PDCD11: variants seen among roughly 807,000 people sequenced by gnomAD.
The protein encoded by PDCD11 is programmed cell death 11.
Under a neutral mutation model 198.9 loss-of-function variants are expected in PDCD11, and 97 were observed. The ratio of observed to expected loss-of-function variants is 0.49; its 90% CI spans 0.41 to 0.58. PDCD11 has a LOEUF of 0.58. Ranked by LOEUF, PDCD11 falls within the 20% of genes least tolerant of loss-of-function variation. PDCD11 has a pLI of 0.00. For missense variants in PDCD11, 2,102 were observed against 2,312.7 expected (o/e 0.91, Z 1.87); for synonymous variants, 893 against 918.0 (o/e 0.97, Z 0.49).
At chr10:103,441,703 A>C in intron 30 of PDCD11, 123 bp from the exon 31 acceptor site, 1 of 813,442 alleles carries the variant, frequency 1.2e-6, no homozygotes, top group Non-Finnish European at 2.0e-6. Flanking sequence ...CTAGGAGGAG[A>C]GGAGAGGAGA....
chr10:103,406,983 T>C (rs1028267386), intron 7 of PDCD11, among the ~76,000 whole-genome samples, 193 bp downstream of exon 7: 11 of 152,232 alleles, frequency 7.2e-5, no homozygotes, highest in African/African-American at 2.2e-4. Context: ...AAAACTATAC[T>C]AAAAAGTCTT....
chr10:103,442,814 A>T (rs1203522688), intron 32 of PDCD11, among the ~76,000 whole-genome samples: 1 of 152,174 alleles, frequency 6.6e-6, no homozygotes, highest in African/African-American at 2.4e-5. Flanking sequence ...TTGAGGCCTA[A>T]TGAAGAGGGA....
At chr10:103,444,880 T>C (rs963063188) in intron 35 of PDCD11, among the ~76,000 whole-genome samples, 198 bp downstream of exon 35, 6 of 152,216 alleles carry the variant, frequency 3.9e-5, no homozygotes, top group African/African-American at 1.4e-4. Flanking sequence ...TCTGAAACCA[T>C]TGGTAGGAGG....
At chr10:103,419,791 C>G in intron 16 of PDCD11, 83 bp downstream of exon 16, 2 of 1,233,016 alleles carry the variant, frequency 1.6e-6, no homozygotes, top group Admixed American at 2.2e-5. Context: ...GAGTAGGATA[C>G]TTTATTCCTT....
In PDCD11 at chr10:103,444,088, T is replaced by C. The variant is rs1377092987; in HGVS notation, c.5278+20T>C. The stretch of plus-strand genomic sequence containing the variant: ...AGGAGCGTGAGTGCTCATTCCCAGC[T>C]CCTGAGCCCATGAGCACTCCAGGAT... On this transcript the variant is annotated intron_variant, in intron 34 of 35. Coordinates refer to ENST00000369797, the MANE Select transcript of PDCD11 (RefSeq NM_014976.2). 2 of 1,605,216 alleles carry C rather than the reference T, an allele frequency of 1.2e-6. No individual in the cohort carries two copies. Among genetic ancestry groups the C allele is most frequent in the East Asian group, 2.2e-5 (1 of 44,792 alleles).
At chr10:103,414,674 G>A (rs919285236) in intron 11 of PDCD11, among the ~76,000 whole-genome samples, 1 of 152,172 alleles carries the variant, frequency 6.6e-6, no homozygotes, top group African/African-American at 2.4e-5. Flanking sequence ...TGTCCTGTCC[G>A]ACCATTTGGC....
intron 3 of PDCD11, among the ~76,000 whole-genome samples, chr10:103,401,066 T>C (rs2030016086): frequency 6.6e-6 from 1 of 152,140 alleles, no homozygotes; most frequent in African/African-American, 2.4e-5. Flanking sequence ...CCCCCTTTTT[T>C]TCCTTTAAAG....
In PDCD11 at chr10:103,415,343, G is replaced by A. The variant is rs144348600; in HGVS notation, c.1518+192G>A. Among the ~76,000 whole-genome samples, 550 of 152,292 alleles carry A rather than the reference G, an allele frequency of 3.6e-3. 4 individuals carry two copies. The highest frequency in any genetic ancestry group is 0.013 in the African/African-American group (530 of 41,560). ...TAATTGGGAGTTAAAATATTCATAC[G>A]TGATGAGAGAGCAAGCCAGCCTGTG... On this transcript the variant is annotated intron_variant, in intron 12 of 35. Coordinates refer to ENST00000369797, the MANE Select transcript of PDCD11 (RefSeq NM_014976.2).
chr10:103,443,269 A>T lies in PDCD11; in HGVS notation c.5060A>T (p.Tyr1687Phe). Residue 1687 changes from tyrosine (Y) to phenylalanine (F), a missense_variant, in exon 33 of 36, where the codon TAC (tyrosine) becomes TTC (phenylalanine). Coordinates refer to ENST00000369797, the MANE Select transcript of PDCD11 (RefSeq NM_014976.2). ...LTKVFERAVQ[Y>F]NEPLKVFLHL... ...AAGGTCTTTGAGCGAGCCGTGCAGT[A>T]CAACGAGCCTCTCAAAGTCTTTCTC... 6.2e-7 allele frequency: 1 copy of T among 1,613,130 alleles called. No homozygotes were observed. The highest frequency in any genetic ancestry group is 8.5e-7 in the Non-Finnish European group (1 of 1,179,180).
rs777613169 is a variant in PDCD11 at position 103,425,447 on chromosome 10, C to T, written c.3227C>T (p.Thr1076Ile). The change falls in exon 20 of 36, where the codon ACC becomes ATC. Residue 1076 changes from threonine to isoleucine, a missense_variant. Thr to Ile is a moderately conservative substitution (Grantham distance 89). Coordinates refer to ENST00000369797, the MANE Select transcript of PDCD11 (RefSeq NM_014976.2). ...ATTCTAGATGATGTTCCAGAGGGCA[C>T]CTCTCCTACTACCAAGCTGAAGGTT... The part of the protein sequence containing the change: ...SHILDDVPEG[T>I]SPTTKLKVGK... 5.0e-6 allele frequency: 8 copies of T among 1,613,878 alleles called. No homozygotes were observed. The East Asian group carries it at 1.6e-4, about 31-fold the overall frequency.
At chr10:103,439,611 G>C (rs2032292653) in intron 27 of PDCD11, 135 bp from the exon 28 acceptor site, 1 of 953,814 alleles carries the variant, frequency 1.0e-6, no homozygotes, top group South Asian at 1.5e-5. Context: ...ACTTCATCCT[G>C]CTGAATGCCA....
At chr10:103,437,903 C>T (rs932464174) in intron 25 of PDCD11, 112 bp from the exon 26 acceptor site, 9 of 805,734 alleles carry the variant, frequency 1.1e-5, no homozygotes, top group South Asian at 7.6e-5. Flanking sequence ...ACCAGAGTCT[C>T]CTGTCTCCTC....
Position 103,433,798 on chromosome 10 carries a change from T to C in PDCD11, c.3475-150T>C, listed in dbSNP as rs187779741. The C allele has an allele frequency of 1.1e-3, 712 of 630,366 alleles. 1 individual carries two copies. The highest frequency in any genetic ancestry group is 7.7e-3 in the African/African-American group (420 of 54,662). 39.0% of individuals were successfully genotyped at this position (630,366 alleles called of 1,614,324 possible). On this transcript the variant is annotated intron_variant, in intron 22 of 35. Coordinates refer to ENST00000369797, the MANE Select transcript of PDCD11 (RefSeq NM_014976.2). ...GAGGGAAGCTGGTGAGAAGTGGAGGTTGGGCAAGGGCAGTGGGATGGAAGG... is the reference window on the plus strand; with the variant it reads ...GAGGGAAGCTGGTGAGAAGTGGAGGCTGGGCAAGGGCAGTGGGATGGAAGG...
intron 5 of PDCD11, chr10:103,405,435 G>A (rs1292842280): frequency 1.9e-5 from 6 of 318,572 alleles, no homozygotes; most frequent in Non-Finnish European, 3.5e-5. Flanking sequence ...TCGGAGTTTC[G>A]CTGTTGTTGC....
intron 21 of PDCD11, among the ~76,000 whole-genome samples, chr10:103,429,492 G>A (rs1018855136): frequency 6.6e-6 from 1 of 152,084 alleles, no homozygotes; most frequent in Non-Finnish European, 1.5e-5. Context: ...TCAAGGTGTT[G>A]ACAGGTTTTG....
intron 5 of PDCD11, 100 bp downstream of exon 5, chr10:103,405,283 A>AGCTGAAAAACCACT: frequency 8.4e-7 from 1 of 1,184,496 alleles, no homozygotes; most frequent in Non-Finnish European, 1.2e-6. Flanking sequence ...CTCAATTGTG[A>AGCTGAAAAACCACT]CACATAGGAG....
intron 9 of PDCD11, 95 bp from the exon 10 acceptor site, chr10:103,413,871 C>G: frequency 1.7e-6 from 2 of 1,189,700 alleles, no homozygotes; most frequent in African/African-American, 1.5e-5. Context: ...TTTTATGGTA[C>G]ATGATAAGTG....
At chr10:103,441,697 G>T in intron 30 of PDCD11, 129 bp from the exon 31 acceptor site, 1 of 762,136 alleles carries the variant, frequency 1.3e-6, no homozygotes, top group East Asian at 2.5e-5. Context: ...CATGGCCTAG[G>T]AGGAGAGGAG....
intron 15 of PDCD11, 74 bp from the exon 16 acceptor site, chr10:103,419,464 G>A: frequency 2.7e-6 from 4 of 1,492,468 alleles, no homozygotes; most frequent in Non-Finnish European, 3.7e-6. Context: ...GTCCTTCTCT[G>A]TGGAGAAAGG....
Sources: allele counts gnomAD v4.1 joint callset (sites outside exome capture counted in the v4.1 genomes callset), GRCh38; gene constraint gnomAD v4.1.1; transcripts MANE v1.5; gene names NCBI Gene and HGNC (gene_info 2026-07-23, HGNC 2026-07-21).